The following RAB3GAP1 variants were observed in gnomAD, a reference collection of about 807,000 sequenced individuals.
The protein encoded by RAB3GAP1 is rab3 GTPase-activating protein catalytic subunit.
In RAB3GAP1, 86 loss-of-function variants were observed where a neutral mutation model predicts 130.7. That is an observed-to-expected ratio of 0.66 (90% confidence interval 0.55 to 0.79). The LOEUF (loss-of-function observed/expected upper bound fraction) is 0.79, where lower values mean the gene tolerates loss of function less well. Among genes scored for constraint, RAB3GAP1 ranks in the 30% least tolerant of loss-of-function variants. The probability of loss-of-function intolerance (pLI) is 0.00; values close to 1 mark genes in which losing one functional copy is unlikely to be tolerated. For synonymous variants in RAB3GAP1, 367 were observed against 401.7 expected (o/e 0.91, Z 1.03); for missense variants, 1,029 against 1,169.4 (o/e 0.88, Z 1.75).
chr2:135,164,410 T>A lies in RAB3GAP1; in HGVS notation c.2607-184T>A, dbSNP rs79449651. On this transcript the variant is annotated intron_variant, in intron 22 of 23. Transcript: ENST00000264158. ...CACAGGTGAAAAAGCAGGAAGATTG[T>A]CAGTTAAGTCGATAATAATTCCAAA... is the stretch of plus-strand genomic sequence containing the variant. Among the ~76,000 whole-genome samples the A allele has an allele frequency of 3.9e-5, 6 of 152,338 alleles. No individual in the cohort carries two copies. The East Asian group carries it at 1.2e-3, about 29-fold the overall frequency.
chr2:135,131,250 G>T (rs1008405975), intron 13 of RAB3GAP1, among the ~76,000 whole-genome samples: 1 of 151,784 alleles, frequency 6.6e-6, no homozygotes, highest in Non-Finnish European at 1.5e-5. Flanking sequence ...TTTTTGAGAC[G>T]AAGTCTCGCT....
rs1400207091 is a variant in RAB3GAP1, at chr2:135,083,187, C to T, written c.151-7811C>T. Among the ~76,000 whole-genome samples the T allele has an allele frequency of 8.6e-5, 13 of 151,854 alleles. No homozygotes were observed. In the East Asian group the frequency reaches 1.4e-3, roughly 16 times the overall value. ...TTTTCATTGCTGAATAATATTCCATCGTAGGGGTATACCACATTTATCTTT... is the reference window on the plus strand; with the variant it reads ...TTTTCATTGCTGAATAATATTCCATTGTAGGGGTATACCACATTTATCTTT... On this transcript the variant is annotated intron_variant, in intron 3 of 23. Coordinates refer to ENST00000264158, the MANE Select transcript of RAB3GAP1 (RefSeq NM_012233.3).
intron 5 of RAB3GAP1, among the ~76,000 whole-genome samples, chr2:135,103,642 TTGGTGATAAC>T (rs1401810540): frequency 6.6e-6 from 1 of 152,200 alleles, no homozygotes; most frequent in African/African-American, 2.4e-5. Context: ...CTAATCTATG[TTGGTGATAAC>T]TGAGCTTTCT....
chr2:135,059,903 A>G (rs1359114802), intron 3 of RAB3GAP1, among the ~76,000 whole-genome samples: 1 of 152,224 alleles, frequency 6.6e-6, no homozygotes, highest in Non-Finnish European at 1.5e-5. Context: ...ATATGAAGAA[A>G]GTGTAGAGGA....
intron 17 of RAB3GAP1, among the ~76,000 whole-genome samples, chr2:135,147,078 G>A (rs1019746655): frequency 6.6e-6 from 1 of 151,994 alleles, no homozygotes; most frequent in Non-Finnish European, 1.5e-5. Context: ...GGGTGAGGTC[G>A]CTCACGCCTG....
chr2:135,173,848 G>GTGGATGGATGGATGGT (rs1558812390), downstream of RAB3GAP1, among the ~76,000 whole-genome samples: 1 of 152,116 alleles, frequency 6.6e-6, no homozygotes, highest in African/African-American at 2.4e-5. Flanking sequence ...GGGTGGGTGG[G>GTGGATGGATGGATGGT]TGGATGGATG....
chr2:135,163,649 A>T (rs146406378), intron 22 of RAB3GAP1, among the ~76,000 whole-genome samples: 3 of 152,222 alleles, frequency 2.0e-5, no homozygotes, highest in African/African-American at 7.2e-5. Context: ...ACCATTACCA[A>T]TGGAGCTTAG....
chr2:135,072,341 C>T (rs577548585), intron 3 of RAB3GAP1, among the ~76,000 whole-genome samples: 86 of 152,190 alleles, frequency 5.7e-4, no homozygotes, highest in Admixed American at 3.7e-3. Context: ...ACTTATATCC[C>T]GTTTGCAGTA....
At chr2:135,136,851 A>C (rs1691691615) in intron 17 of RAB3GAP1, 2 of 384,742 alleles carry the variant, frequency 5.2e-6, no homozygotes, top group South Asian at 7.3e-5. Flanking sequence ...GCCCCACACC[A>C]AGGTGGGAGT....
intron 22 of RAB3GAP1, among the ~76,000 whole-genome samples, chr2:135,164,379 T>C (rs2105000736): frequency 6.6e-6 from 1 of 152,356 alleles, no homozygotes; most frequent in Non-Finnish European, 1.5e-5. Context: ...AAACATTTTT[T>C]ATGAGCACAG....
rs1358683707 is a variant in RAB3GAP1, at chr2:135,135,778, G to A, written c.1769G>A (p.Ser590Asn). Residue 590 changes from serine (S) to asparagine (N), a missense_variant, in exon 17 of 24, where the codon AGT becomes AAT. Physicochemically the swap from Ser to Asn is conservative, Grantham distance 46. Transcript: ENST00000264158. ...DSEEEFFECLSDTEELKGNGQ... is the reference protein window; with the variant it reads ...DSEEEFFECLNDTEELKGNGQ... Reference sequence around the variant, plus strand: ...GAAGAAGAATTTTTTGAATGCCTAAGTGATACTGAAGAACTTAAAGGAAAT... The same window carrying A: ...GAAGAAGAATTTTTTGAATGCCTAAATGATACTGAAGAACTTAAAGGAAAT... The A allele has an allele frequency of 1.9e-6, 3 of 1,613,968 alleles. No homozygotes were observed. The highest frequency in any genetic ancestry group is 4.5e-5 in the East Asian group (2 of 44,876).
intron 3 of RAB3GAP1, among the ~76,000 whole-genome samples, chr2:135,063,992 T>G (rs911582956): frequency 7.9e-5 from 12 of 152,208 alleles, no homozygotes; most frequent in African/African-American, 2.9e-4. Context: ...GGCTTGATGC[T>G]TATTTTTTTC....
Position 135,168,940 on chromosome 2 carries a change from T to C in RAB3GAP1, c.*159T>C. ...TCGGAAAGACTTCCCAGCACCAAGC[T>C]TGAGCTGTGTCGTTTCGTGGAGGGG... On this transcript the variant is annotated 3_prime_UTR_variant, in exon 24 of 24. Transcript: ENST00000264158. 1.4e-6 allele frequency: 1 copy of C among 733,780 alleles called. No homozygotes were observed. The highest frequency in any genetic ancestry group is 2.4e-6 in the Non-Finnish European group (1 of 412,070). 45.5% of individuals were successfully genotyped at this position (733,780 alleles called of 1,614,324 possible).
In RAB3GAP1 at chr2:135,055,748, T is replaced by C. The variant is rs189752581; in HGVS notation, c.75-2263T>C. On this transcript the variant is annotated intron_variant, in intron 2 of 23. Transcript: ENST00000264158. ...ATATTTTAAATAGTTTTCACTATAA[T>C]AGTAATACCTTATAGTAGAATAAAA... is the stretch of plus-strand genomic sequence containing the variant. Among the ~76,000 whole-genome samples the C allele has an allele frequency of 2.0e-5, 3 of 152,026 alleles. No homozygotes were observed. The East Asian group carries it at 5.8e-4, about 29-fold the overall frequency.
At position 135,052,494 on chromosome 2, in the gene RAB3GAP1, A is replaced by C; in HGVS notation, c.74+9A>C. 6.2e-7 allele frequency: 1 copy of C among 1,613,206 alleles called. No individual in the cohort carries two copies. Among genetic ancestry groups the C allele is most frequent in the Non-Finnish European group, 8.5e-7 (1 of 1,180,014 alleles). On this transcript the variant is annotated intron_variant, in intron 2 of 23. Coordinates refer to ENST00000264158, the MANE Select transcript of RAB3GAP1 (RefSeq NM_012233.3). ...GCCTCGGAATGGGAAAGGTGAGTGA[A>C]TCGCATTTTTGGTTACCAGCTCCCA...
intron 3 of RAB3GAP1, among the ~76,000 whole-genome samples, chr2:135,077,694 T>C (rs898488527): frequency 6.6e-6 from 1 of 152,206 alleles, no homozygotes; most frequent in African/African-American, 2.4e-5. Flanking sequence ...AGGGCTCCAG[T>C]TTCTACACTG....
intron 3 of RAB3GAP1, among the ~76,000 whole-genome samples, chr2:135,066,395 A>C (rs1399100797): frequency 6.6e-6 from 1 of 152,216 alleles, no homozygotes; most frequent in Non-Finnish European, 1.5e-5. Flanking sequence ...TATAGTTGGG[A>C]CTGTGTCTGT....
intron 3 of RAB3GAP1, among the ~76,000 whole-genome samples, chr2:135,072,946 G>C (rs1275216576): frequency 6.6e-6 from 1 of 152,118 alleles, no homozygotes; most frequent in Non-Finnish European, 1.5e-5. Context: ...TTCCTGCTAG[G>C]GTCTGTCTGA....
In RAB3GAP1 at chr2:135,091,086, T is replaced by C. The variant is rs767842373; in HGVS notation, c.239T>C (p.Val80Ala). The change falls in exon 4 of 24, where the codon GTA (valine) becomes GCA (alanine). Residue 80 changes from valine (V) to alanine (A), a missense_variant. By Grantham distance (64) the Val-to-Ala change is moderately conservative (BLOSUM62 0). Coordinates refer to ENST00000264158, the MANE Select transcript of RAB3GAP1 (RefSeq NM_012233.3). ...TTCTCAGTCACTCATCATTATCTTG[T>C]ACAAGAGTCCACTGATAAAGAAGGA... The part of the protein sequence containing the change: ...FKFSVTHHYL[V>A]QESTDKEGKD... 156 of 1,602,506 alleles carry C rather than the reference T, an allele frequency of 9.7e-5. 1 individual carries two copies. The highest frequency in any genetic ancestry group is 1.7e-4 in the Middle Eastern group (1 of 6,056).
Sources: allele counts gnomAD v4.1 joint callset (sites outside exome capture counted in the v4.1 genomes callset), GRCh38; gene constraint gnomAD v4.1.1; transcripts MANE v1.5; gene names NCBI Gene and HGNC (gene_info 2026-07-23, HGNC 2026-07-21).